Variants in NRXN3 observed in about 807,000 individuals in gnomAD.
NRXN3 encodes neurexin 3, also known as neurexin III.
NRXN3 carries 32 observed loss-of-function variants against 137.6 expected under a neutral mutation model. The observed-to-expected ratio is 0.23, with a 90% CI of 0.18 to 0.31. NRXN3 has a LOEUF of 0.31. Ranked by LOEUF, NRXN3 falls within the 10% of genes least tolerant of loss-of-function variation. The pLI is 1.00. For synonymous variants in NRXN3, 798 were observed against 784.5 expected (o/e 1.02, Z -0.29); for missense variants, 1,574 against 2,062.5 (o/e 0.76, Z 4.59).
At position 78,693,656 on chromosome 14, in the gene NRXN3, CGTGTGTGTGTGTGTGTGTGTGTGTGT is replaced by C. The variant is rs4016744; in HGVS notation, c.1222-15530_1222-15505del. ...TGCAATAGCTTTTCAAGTTGATTTT[CGTGTGTGTGTGTGTGTGTGTGTGTGT>C]GTGTGTGTGTGTGTGTGTGTGTGTG... On this transcript the variant is annotated intron_variant, in intron 6 of 20. Coordinates refer to ENST00000335750, the MANE Select transcript of NRXN3 (RefSeq NM_001330195.2). 1.2e-3 allele frequency among the ~76,000 whole-genome samples: 138 copies of C among 113,988 alleles called. 1 individual carries two copies. The highest frequency in any genetic ancestry group is 2.0e-3 in the Non-Finnish European group (111 of 55,222). The allele number at this position is 113,988 out of a possible 152,430, so 74.8% of individuals were successfully genotyped here.
intron 14 of NRXN3, among the ~76,000 whole-genome samples, chr14:78,978,404 A>G (rs2099477016): frequency 6.6e-6 from 1 of 152,088 alleles, no homozygotes; most frequent in Non-Finnish European, 1.5e-5. Context: ...CAGTGGATTC[A>G]CTTGACATTT....
At chr14:79,610,248 C>T (rs1444913767) in intron 16 of NRXN3, among the ~76,000 whole-genome samples, 1 of 152,096 alleles carries the variant, frequency 6.6e-6, no homozygotes. Flanking sequence ...AGCCTTTAAC[C>T]GTTTCCTTTT....
chr14:78,402,360 G>T (rs2092146257), intron 4 of NRXN3, among the ~76,000 whole-genome samples: 1 of 152,198 alleles, frequency 6.6e-6, no homozygotes, highest in South Asian at 2.1e-4. Flanking sequence ...TTACTAAGTG[G>T]ATTGATGGGT....
In NRXN3 at chr14:79,646,523, C is replaced by A. The variant is rs990143439; in HGVS notation, c.3445-17255C>A. ...CAGTCAGCAGAAGCAGTGGTAGTTG[C>A]GAGCTGGTTATTCAGAGGCAGCTAC... On this transcript the variant is annotated intron_variant, in intron 16 of 20. Transcript: ENST00000335750. Among the ~76,000 whole-genome samples, 5 of 135,658 alleles carry A rather than the reference C, an allele frequency of 3.7e-5. 1 individual carries two copies. The highest frequency in any genetic ancestry group is 7.4e-5 in the African/African-American group (3 of 40,754). The allele number at this position is 135,658 out of a possible 152,430, so 89.0% of individuals were successfully genotyped here.
At chr14:79,182,873 T>G (rs910935381) in intron 15 of NRXN3, among the ~76,000 whole-genome samples, 2 of 152,172 alleles carry the variant, frequency 1.3e-5, no homozygotes, top group African/African-American at 4.8e-5. Flanking sequence ...TTCTTTAGTG[T>G]TGTTAGCAGA....
At chr14:78,848,696 T>C (rs749780984) in intron 10 of NRXN3, among the ~76,000 whole-genome samples, 2 of 152,282 alleles carry the variant, frequency 1.3e-5, no homozygotes, top group Admixed American at 6.5e-5. Flanking sequence ...TGGGCACTGA[T>C]AGCAACTTAA....
intron 10 of NRXN3, among the ~76,000 whole-genome samples, chr14:78,903,084 G>C (rs1022667261): frequency 6.7e-6 from 1 of 150,312 alleles, no homozygotes; most frequent in Non-Finnish European, 1.5e-5. Context: ...ACATTGCCTT[G>C]GTCATTCCCT....
chr14:79,564,378 G>A (rs1201328530), intron 16 of NRXN3, among the ~76,000 whole-genome samples: 1 of 152,122 alleles, frequency 6.6e-6, no homozygotes, highest in Non-Finnish European at 1.5e-5. Flanking sequence ...CAATTTGCCA[G>A]GTATCTTTAG....
intron 20 of NRXN3, among the ~76,000 whole-genome samples, chr14:79,848,730 TCTCTTAGCTGGCCC>T (rs953071193): frequency 6.6e-6 from 1 of 152,094 alleles, no homozygotes; most frequent in Non-Finnish European, 1.5e-5. Flanking sequence ...CACCTCACCA[TCTCTTAGCTGGCCC>T]CAGATATGGC....
rs2098424960 is a variant in NRXN3 at position 79,640,023 on chromosome 14, CTTG to C, written c.3445-23750_3445-23748del. ...TAGGAATATTGTTGAGGCAGTTCAT[CTTG>C]TTGTCCCTATAGTGTAATTCTTTGG... On this transcript the variant is annotated intron_variant, in intron 16 of 20. Transcript: ENST00000335750. Among the ~76,000 whole-genome samples the C allele has an allele frequency of 2.3e-5, 2 of 88,638 alleles. 1 individual carries two copies. The highest frequency in any genetic ancestry group is 6.7e-5 in the Non-Finnish European group (2 of 29,822). The allele number at this position is 88,638 out of a possible 152,430, so 58.1% of individuals were successfully genotyped here. A position where few individuals can be genotyped will look rare whatever the true frequency, so the allele number is the denominator to read the frequency against.
chr14:78,480,678 C>T (rs916181907), intron 4 of NRXN3, among the ~76,000 whole-genome samples: 31 of 152,110 alleles, frequency 2.0e-4, no homozygotes, highest in African/African-American at 7.2e-4. Context: ...GTTCAGGATA[C>T]ATCCTTTAAG....
chr14:78,974,944 T>A lies in NRXN3; in HGVS notation c.3142+6598T>A, dbSNP rs142984035. On this transcript the variant is annotated intron_variant, in intron 14 of 20. Transcript: ENST00000335750. Reference sequence around the variant, plus strand: ...TAACAATGAGGTGTAAGAAGTGACGTAATGAGTCTAGATGAGTCAACAGCT... The same window carrying A: ...TAACAATGAGGTGTAAGAAGTGACGAAATGAGTCTAGATGAGTCAACAGCT... Among the ~76,000 whole-genome samples the A allele has an allele frequency of 4.8e-3, 727 of 152,330 alleles. 4 individuals are homozygous for A. The highest frequency in any genetic ancestry group is 7.9e-3 in the Non-Finnish European group (536 of 68,020).
chr14:79,530,529 G>T (rs1418452457), intron 16 of NRXN3, among the ~76,000 whole-genome samples: 2 of 151,500 alleles, frequency 1.3e-5, no homozygotes, highest in Non-Finnish European at 2.9e-5. Context: ...GGGCAGTTCA[G>T]CTTTCTCTCT....
At chr14:79,687,679 C>G (rs1381909372) in intron 17 of NRXN3, among the ~76,000 whole-genome samples, 1 of 152,130 alleles carries the variant, frequency 6.6e-6, no homozygotes. Flanking sequence ...ATTAGCATGT[C>G]CACGTGCTTG....
chr14:79,296,444 T>G, intron 15 of NRXN3, among the ~76,000 whole-genome samples: 1 of 148,592 alleles, frequency 6.7e-6, no homozygotes, highest in South Asian at 2.1e-4. Flanking sequence ...GAAATATACT[T>G]GGGAAAAAAA....
intron 1 of NRXN3, among the ~76,000 whole-genome samples, chr14:78,233,050 C>G (rs1165633824): frequency 6.6e-6 from 1 of 152,094 alleles, no homozygotes; most frequent in East Asian, 1.9e-4. Flanking sequence ...ACTAGGCTAC[C>G]TTGGGGATGG....
chr14:79,664,097 C>CTCTT lies in NRXN3; in HGVS notation c.3616+150_3616+153dup, dbSNP rs1388136262. ...TTTTTTGTATGAGAAGATAAGTCAT[C>CTCTT]TCTTTAGGACTTGATCCAGTATAGG... On this transcript the variant is annotated intron_variant, in intron 17 of 20. Coordinates refer to ENST00000335750, the MANE Select transcript of NRXN3 (RefSeq NM_001330195.2). 1.3e-5 allele frequency: 11 copies of CTCTT among 816,290 alleles called. No individual in the cohort carries two copies. The African/African-American group carries it at 1.5e-4, about 11-fold the overall frequency. The allele number at this position is 816,290 out of a possible 1,614,324, so 50.6% of individuals were successfully genotyped here.
At position 78,943,614 on chromosome 14, in the gene NRXN3, AAAAAAAAATAT is replaced by A. The variant is rs1341616765; in HGVS notation, c.2276-13626_2276-13616del. Among the ~76,000 whole-genome samples the A allele has an allele frequency of 9.7e-4, 43 of 44,148 alleles. 1 individual carries two copies. The highest frequency in any genetic ancestry group is 2.0e-3 in the Admixed American group (8 of 3,960). 29.0% of individuals were successfully genotyped at this position (44,148 alleles called of 152,430 possible). A position where few individuals can be genotyped will look rare whatever the true frequency, so the allele number is the denominator to read the frequency against. ...GAAAAGAAGCAAGATCACTGTTAAA[AAAAAAAAATAT>A]ATATATATATATATATATATATATA... On this transcript the variant is annotated intron_variant, in intron 10 of 20. Transcript: ENST00000335750.
chr14:78,947,162 G>A (rs563470044), intron 10 of NRXN3, among the ~76,000 whole-genome samples: 2 of 152,146 alleles, frequency 1.3e-5, no homozygotes, highest in Non-Finnish European at 2.9e-5. Context: ...AGATTAGCCA[G>A]GAGTAAGACC....
Sources: allele counts gnomAD v4.1 joint callset (sites outside exome capture counted in the v4.1 genomes callset), GRCh38; gene constraint gnomAD v4.1.1; transcripts MANE v1.5; gene names NCBI Gene and HGNC (gene_info 2026-07-23, HGNC 2026-07-21).